PRKN: variants seen among roughly 807,000 people sequenced by gnomAD.
The protein encoded by PRKN is E3 ubiquitin-protein ligase parkin.
Under a neutral mutation model 59.5 loss-of-function variants are expected in PRKN, and 56 were observed. That is an observed-to-expected ratio of 0.94 (90% CI 0.76 to 1.18). PRKN has a LOEUF of 1.18. Ranked by LOEUF, PRKN falls within the 50% of genes most tolerant of loss-of-function variation. The probability of loss-of-function intolerance (pLI) is 0.00; values close to 1 mark genes in which losing one functional copy is unlikely to be tolerated. For synonymous variants in PRKN, 250 were observed against 222.1 expected (o/e 1.13, Z -1.12); for missense variants, 657 against 596.4 (o/e 1.10, Z -1.06).
chr6:162,068,453 T>C (rs1350485174), intron 4 of PRKN, among the ~76,000 whole-genome samples: 1 of 152,204 alleles, frequency 6.6e-6, no homozygotes, highest in Non-Finnish European at 1.5e-5. Flanking sequence ...TGAGGCCCAG[T>C]CAAGATGTCG....
intron 1 of PRKN, among the ~76,000 whole-genome samples, chr6:162,541,832 C>T (rs1778936245): frequency 6.6e-6 from 1 of 151,958 alleles, no homozygotes; most frequent in Non-Finnish European, 1.5e-5. Flanking sequence ...TAGTTTTTGT[C>T]TAGCAAGAGA....
intron 6 of PRKN, among the ~76,000 whole-genome samples, chr6:161,791,106 C>T (rs1483052292): frequency 6.6e-6 from 1 of 152,094 alleles, no homozygotes; most frequent in Non-Finnish European, 1.5e-5. Context: ...ATGATTTCAC[C>T]CCAATGGGCC....
chr6:161,926,349 C>G (rs994401177), intron 6 of PRKN, among the ~76,000 whole-genome samples: 1 of 152,092 alleles, frequency 6.6e-6, no homozygotes, highest in Non-Finnish European at 1.5e-5. Flanking sequence ...TAGCGGGAGT[C>G]GCAGATTCAG....
chr6:162,367,447 G>T lies in PRKN; in HGVS notation c.171+75863C>A, dbSNP rs116804083. On this transcript the variant is annotated intron_variant, in intron 2 of 11. Transcript: ENST00000366898. ...TTAATGTGTATGTGTATTGTAATTT[G>T]TATGAGTGTATTTTAATGGTTCCTA... Among the ~76,000 whole-genome samples, 826 of 152,206 alleles carry T rather than the reference G, an allele frequency of 5.4e-3. 8 individuals are homozygous for T. Among genetic ancestry groups the T allele is most frequent in the African/African-American group, 0.019 (781 of 41,526 alleles).
At chr6:162,195,551 G>T (rs1218037636) in intron 4 of PRKN, among the ~76,000 whole-genome samples, 1 of 152,168 alleles carries the variant, frequency 6.6e-6, no homozygotes, top group Non-Finnish European at 1.5e-5. Flanking sequence ...AATCCATCAT[G>T]CCAGGCACTT....
chr6:162,500,264 T>G (rs780998910), intron 1 of PRKN, among the ~76,000 whole-genome samples: 1 of 151,322 alleles, frequency 6.6e-6, no homozygotes, highest in Non-Finnish European at 1.5e-5. Flanking sequence ...CTCCACCTCC[T>G]GGGTTCAAGC....
chr6:162,527,639 A>C (rs1344835811), intron 1 of PRKN, among the ~76,000 whole-genome samples: 1 of 152,208 alleles, frequency 6.6e-6, no homozygotes, highest in Non-Finnish European at 1.5e-5. Context: ...TGATCGAATA[A>C]AAAACAAATC....
At chr6:161,364,915 A>AGT (rs1305268112) in intron 10 of PRKN, among the ~76,000 whole-genome samples, 1 of 147,520 alleles carries the variant, frequency 6.8e-6, no homozygotes, top group Non-Finnish European at 1.5e-5. Context: ...TGGGCAACGG[A>AGT]GTGAGACTTT....
intron 1 of PRKN, among the ~76,000 whole-genome samples, chr6:162,458,334 G>A (rs956052054): frequency 1.3e-5 from 2 of 149,816 alleles, no homozygotes; most frequent in African/African-American, 4.9e-5. Flanking sequence ...TCTGAGACAG[G>A]AGAATCACTT....
At chr6:162,036,727 T>G (rs2128280746) in intron 5 of PRKN, among the ~76,000 whole-genome samples, 1 of 152,230 alleles carries the variant, frequency 6.6e-6, no homozygotes, top group East Asian at 1.9e-4. Flanking sequence ...AAAATTAAAT[T>G]ACTTACTGGT....
Position 162,078,001 on chromosome 6 carries a change from T to TA in PRKN, c.535-23828dup, listed in dbSNP as rs59795906. Reference sequence around the variant, plus strand: ...GGGCAACAGAGAGAGACTCTCTCTCTAAAAAAAAAAAAAAAAAAAAAATTA... The same window carrying TA: ...GGGCAACAGAGAGAGACTCTCTCTCTAAAAAAAAAAAAAAAAAAAAAAATTA... On this transcript the variant is annotated intron_variant, in intron 4 of 11. Transcript: ENST00000366898. Among the ~76,000 whole-genome samples, 472 of 123,510 alleles carry TA rather than the reference T, an allele frequency of 3.8e-3. 2 individuals carry two copies. The highest frequency in any genetic ancestry group is 0.01 in the African/African-American group (339 of 32,530). The allele number at this position is 123,510 out of a possible 152,430, so 81.0% of individuals were successfully genotyped here.
Position 161,582,139 on chromosome 6 carries a change from T to A in PRKN, c.872-12723A>T, listed in dbSNP as rs1379799981. On this transcript the variant is annotated intron_variant, in intron 7 of 11. Coordinates refer to ENST00000366898, the MANE Select transcript of PRKN (RefSeq NM_004562.3). The surrounding 1 kb of genome is among the most constrained non-coding windows in gnomAD (Gnocchi z 4.4). ...TTACCAAAGTGTAAAGTGCATTTTC[T>A]AAATGGCTCTCTGGCTCACAGAAAG... 6.6e-6 allele frequency among the ~76,000 whole-genome samples: 1 copy of A among 152,198 alleles called. No homozygotes were observed. Among genetic ancestry groups the A allele is most frequent in the African/African-American group, 2.4e-5 (1 of 41,448 alleles).
rs369960827 is a variant in PRKN at position 162,568,845 on chromosome 6, T to C, written c.8-125372A>G. 4.2e-6 allele frequency: 3 copies of C among 721,298 alleles called. No homozygotes were observed. In the East Asian group the frequency reaches 7.8e-5, roughly 19 times the overall value. The allele number at this position is 721,298 out of a possible 1,614,324, so 44.7% of individuals were successfully genotyped here. On this transcript the variant is annotated intron_variant, in intron 1 of 11. Coordinates refer to ENST00000366898, the MANE Select transcript of PRKN (RefSeq NM_004562.3). ...GCTGGTGGAGGACTTTAAGAACAAG[T>C]ACAAGGATGAGATCAATAAGTGTAC... is the stretch of plus-strand genomic sequence containing the variant.
chr6:162,596,866 A>G (rs1781512868), intron 1 of PRKN, among the ~76,000 whole-genome samples: 1 of 152,180 alleles, frequency 6.6e-6, no homozygotes, highest in Non-Finnish European at 1.5e-5. Context: ...CTTCCCAAGG[A>G]AAGGAAGCTT....
intron 2 of PRKN, among the ~76,000 whole-genome samples, chr6:162,419,130 G>A (rs1308633634): frequency 6.6e-6 from 1 of 152,042 alleles, no homozygotes; most frequent in African/African-American, 2.4e-5. Flanking sequence ...TTCGACGTTC[G>A]TATTATTGTC....
intron 1 of PRKN, among the ~76,000 whole-genome samples, chr6:162,551,922 C>T: frequency 6.6e-6 from 1 of 151,994 alleles, no homozygotes; most frequent in East Asian, 1.9e-4. Context: ...AATACAGAAG[C>T]AAATATACAA....
rs561183627 is a variant in PRKN at position 161,553,706 on chromosome 6, TC to T, written c.934-4704del. On this transcript the variant is annotated intron_variant, in intron 8 of 11. Transcript: ENST00000366898. The stretch of plus-strand genomic sequence containing the variant: ...GGAAAGGCAGGATAAAATATTTGAA[TC>T]TTTTTTTTCAATGAACATTTATAAA... Among the ~76,000 whole-genome samples the T allele has an allele frequency of 8.0e-3, 1,212 of 152,348 alleles. 25 individuals carry two copies. The highest frequency in any genetic ancestry group is 0.028 in the African/African-American group (1,166 of 41,578).
At chr6:162,705,569 A>G (rs10945858) in intron 1 of PRKN, among the ~76,000 whole-genome samples, 37,684 of 152,140 alleles carry the variant, frequency 0.25, 5,471 homozygotes, top group African/African-American at 0.38. Flanking sequence ...TCAGTCATGG[A>G]AAGACATCAA....
At chr6:162,048,058 T>TA (rs1777453031) in intron 5 of PRKN, among the ~76,000 whole-genome samples, 2 of 152,288 alleles carry the variant, frequency 1.3e-5, no homozygotes, top group East Asian at 3.9e-4. Context: ...TAAGAGGTGT[T>TA]ACGCTACTTG....
Sources: allele counts gnomAD v4.1 joint callset (sites outside exome capture counted in the v4.1 genomes callset), GRCh38; gene constraint gnomAD v4.1.1; non-coding constraint Gnocchi (gnomAD v3.1); transcripts MANE v1.5; gene names NCBI Gene and HGNC (gene_info 2026-07-23, HGNC 2026-07-21).